TBC1D8: variants seen among roughly 807,000 people sequenced by gnomAD.
TBC1D8 encodes TBC1 domain family member 8.
A neutral mutation model predicts 118.8 loss-of-function variants in TBC1D8; 65 were observed. The ratio of observed to expected loss-of-function variants is 0.55; its 90% confidence interval spans 0.45 to 0.67. The LOEUF (loss-of-function observed/expected upper bound fraction) is 0.67, where lower values mean the gene tolerates loss of function less well. TBC1D8 is among the 30% of genes least tolerant of loss of function. TBC1D8 has a pLI of 0.00. For missense variants in TBC1D8, 1,376 were observed against 1,471.2 expected (o/e 0.94, Z 1.06); for synonymous variants, 566 against 595.8 (o/e 0.95, Z 0.73).
At chr2:101,049,719 C>G (rs1681933441) in intron 5 of TBC1D8, among the ~76,000 whole-genome samples, 1 of 151,616 alleles carries the variant, frequency 6.6e-6, no homozygotes, top group South Asian at 2.1e-4. Flanking sequence ...CAGAGAGATT[C>G]TCCATCTCAA....
chr2:101,121,838 G>A (rs1678124678), intron 1 of TBC1D8, among the ~76,000 whole-genome samples: 4 of 152,166 alleles, frequency 2.6e-5, no homozygotes, highest in South Asian at 2.1e-4. Flanking sequence ...GGCCAAGGCA[G>A]GCGGATCACC....
At chr2:101,011,308 C>T in intron 18 of TBC1D8, 143 bp downstream of exon 18, 1 of 901,072 alleles carries the variant, frequency 1.1e-6, no homozygotes, top group Middle Eastern at 3.3e-4. Flanking sequence ...CTTCTGTCCT[C>T]TAAAGGCAGT....
intron 1 of TBC1D8, among the ~76,000 whole-genome samples, chr2:101,116,221 T>C (rs1369446957): frequency 1.3e-5 from 2 of 152,186 alleles, no homozygotes; most frequent in African/African-American, 2.4e-5. Context: ...AGATGCATAA[T>C]GTCCACAAGG....
chr2:101,029,829 G>T lies in TBC1D8; in HGVS notation c.1937-53C>A. On this transcript the variant is annotated intron_variant, in intron 11 of 19. Coordinates refer to ENST00000409318, the MANE Select transcript of TBC1D8 (RefSeq NM_001330348.2). ...GCTGGGGTAGGACTCACTCTCTAAG[G>T]TCAGTCTGAAATTAAAATCACTCTG... is the stretch of plus-strand genomic sequence containing the variant. 5 of 1,549,836 alleles carry T rather than the reference G, an allele frequency of 3.2e-6. No homozygotes were observed. In the Admixed American group the frequency reaches 5.7e-5, roughly 18 times the overall value.
intron 1 of TBC1D8, among the ~76,000 whole-genome samples, chr2:101,102,262 T>C (rs1676892538): frequency 1.3e-5 from 2 of 152,152 alleles, no homozygotes; most frequent in Admixed American, 1.3e-4. Context: ...AAGACCAGCC[T>C]GGCCAACATG....
chr2:101,033,124 T>TTTA, intron 10 of TBC1D8, among the ~76,000 whole-genome samples: 1 of 150,702 alleles, frequency 6.6e-6, no homozygotes, highest in Non-Finnish European at 1.5e-5. Flanking sequence ...CTCGGTAAAT[T>TTTA]TTTTTTTTTT....
intron 1 of TBC1D8, among the ~76,000 whole-genome samples, chr2:101,147,166 A>C (rs1333523197): frequency 1.3e-5 from 2 of 152,126 alleles, no homozygotes; most frequent in Admixed American, 1.3e-4. Context: ...TCTTTCGTAT[A>C]GTTGAATAGT....
At chr2:101,091,942 T>G (rs1432247311) in intron 1 of TBC1D8, among the ~76,000 whole-genome samples, 1 of 152,226 alleles carries the variant, frequency 6.6e-6, no homozygotes, top group Non-Finnish European at 1.5e-5. Context: ...GTTACTTACA[T>G]AACACCCCGT....
intron 2 of TBC1D8, among the ~76,000 whole-genome samples, chr2:101,080,913 C>T (rs1224088865): frequency 6.6e-6 from 1 of 151,772 alleles, no homozygotes; most frequent in African/African-American, 2.4e-5. Context: ...GCAGCTGGCA[C>T]CACAGGAGCA....
At chr2:101,029,445 T>A (rs771229338) in intron 12 of TBC1D8, 46 bp downstream of exon 12, 2 of 1,585,332 alleles carry the variant, frequency 1.3e-6, no homozygotes, top group South Asian at 2.3e-5. Flanking sequence ...CACGTGCTGC[T>A]GCCTCCTCCA....
In TBC1D8 at chr2:101,027,445, C is replaced by T. The variant is rs1001156851; in HGVS notation, c.2458G>A (p.Val820Ile). 1 of 1,613,042 alleles carries T rather than the reference C, an allele frequency of 6.2e-7. No individual in the cohort carries two copies. Among genetic ancestry groups the T allele is most frequent in the East Asian group, 2.2e-5 (1 of 44,836 alleles). ...EDTTKQNVLRVVIPEVSILPE... is the reference protein window; with the variant it reads ...EDTTKQNVLRIVIPEVSILPE... ...AGAATTGAGACTTCCGGGATAACGACTCGAAGCTTGAGGAAAGAATAAACA... is the reference window on the plus strand; with the variant it reads ...AGAATTGAGACTTCCGGGATAACGATTCGAAGCTTGAGGAAAGAATAAACA... The change falls in exon 15 of 20, where the codon GTC becomes ATC. Residue 820 changes from valine to isoleucine, a missense_variant. Physicochemically the swap from Val to Ile is conservative, Grantham distance 29. Transcript: ENST00000409318.
intron 2 of TBC1D8, among the ~76,000 whole-genome samples, chr2:101,080,161 T>C (rs1001547699): frequency 6.6e-6 from 1 of 152,160 alleles, no homozygotes; most frequent in Admixed American, 6.5e-5. Flanking sequence ...AATGACTTTA[T>C]TTAAAACAGT....
intron 17 of TBC1D8, among the ~76,000 whole-genome samples, chr2:101,014,385 TAAACTG>T (rs1679459081): frequency 6.6e-6 from 1 of 152,226 alleles, no homozygotes. Flanking sequence ...GCTTAACTGT[TAAACTG>T]GAGCTGATAT....
intron 2 of TBC1D8, among the ~76,000 whole-genome samples, chr2:101,077,498 C>T (rs1023853618): frequency 9.9e-5 from 15 of 152,204 alleles, no homozygotes; most frequent in African/African-American, 2.7e-4. Flanking sequence ...CCACCCGCCT[C>T]GGCCTCCCAA....
intron 1 of TBC1D8, among the ~76,000 whole-genome samples, chr2:101,140,361 T>TA (rs1400790903): frequency 6.6e-6 from 1 of 152,208 alleles, no homozygotes; most frequent in Non-Finnish European, 1.5e-5. Context: ...AAAGCTTCTG[T>TA]AAAATGACAC....
In TBC1D8 at chr2:101,022,380, A is replaced by C. The variant is rs944121130; in HGVS notation, c.2662T>G (p.Cys888Gly). Residue 888 changes from cysteine to glycine, a missense_variant, in exon 16 of 20, where the codon TGC becomes GGC. Transcript: ENST00000409318. ...GCGAGGATCTCCGTGTGGGCCCCGC[A>C]GGTCCAGGGCGAGACTAGCTGAAAC... ...HLFQLVSPWT[C>G]GAHTEILAER... 1 of 1,613,516 alleles carries C rather than the reference A, an allele frequency of 6.2e-7. No homozygotes were observed. The highest frequency in any genetic ancestry group is 8.5e-7 in the Non-Finnish European group (1 of 1,179,700).
chr2:101,131,596 C>T (rs372985358), intron 1 of TBC1D8, among the ~76,000 whole-genome samples: 65 of 151,980 alleles, frequency 4.3e-4, no homozygotes, highest in African/African-American at 1.4e-3. Flanking sequence ...AGTTGGATCA[C>T]GAGGTCAGGA....
chr2:101,059,383 G>A (rs752200349), intron 3 of TBC1D8, 38 bp downstream of exon 3: 10 of 1,489,670 alleles, frequency 6.7e-6, no homozygotes, highest in South Asian at 1.1e-5. Flanking sequence ...GAAGAAAGAT[G>A]GAAAGATGGG....
At chr2:101,077,441 G>C (rs1041552018) in intron 2 of TBC1D8, among the ~76,000 whole-genome samples, 2 of 151,990 alleles carry the variant, frequency 1.3e-5, no homozygotes, top group East Asian at 3.9e-4. Context: ...TAGAGACGGG[G>C]TTTCACTGTG....
Sources: allele counts gnomAD v4.1 joint callset (sites outside exome capture counted in the v4.1 genomes callset), GRCh38; gene constraint gnomAD v4.1.1; transcripts MANE v1.5; gene names NCBI Gene and HGNC (gene_info 2026-07-23, HGNC 2026-07-21).